ATP8A1: variants seen among roughly 807,000 people sequenced by gnomAD.
ATP8A1 encodes phospholipid-transporting ATPase IA.
In ATP8A1, 90 loss-of-function variants were observed where a neutral mutation model predicts 177.7. The observed-to-expected ratio is 0.51, with a 90% CI of 0.43 to 0.60. The LOEUF (loss-of-function observed/expected upper bound fraction) is 0.60. Among genes scored for constraint, ATP8A1 ranks in the 20% least tolerant of loss-of-function variants. ATP8A1 has a pLI of 0.00. For synonymous variants in ATP8A1, 493 were observed against 485.9 expected, an observed-to-expected ratio of 1.01 and a Z score of -0.19; for missense variants, 1,072 against 1,392.8, an observed-to-expected ratio of 0.77 and a Z score of 3.67.
intron 16 of ATP8A1, among the ~76,000 whole-genome samples, chr4:42,555,691 C>T (rs753593672): frequency 1.3e-5 from 2 of 151,930 alleles, no homozygotes; most frequent in South Asian, 2.1e-4. Flanking sequence ...GGTGTGGTGG[C>T]GAGTGCCTGT....
At chr4:42,483,891 T>C (rs1721943590) in intron 25 of ATP8A1, among the ~76,000 whole-genome samples, 1 of 152,158 alleles carries the variant, frequency 6.6e-6, no homozygotes, top group Non-Finnish European at 1.5e-5. Context: ...ATCTTTTATG[T>C]GTCGCACTGC....
At chr4:42,470,640 C>T (rs1320335766) in intron 25 of ATP8A1, among the ~76,000 whole-genome samples, 1 of 152,064 alleles carries the variant, frequency 6.6e-6, no homozygotes, top group African/African-American at 2.4e-5. Flanking sequence ...AAGACTTATA[C>T]TGGAAACTTA....
At chr4:42,647,636 T>A (rs1022951371) in intron 1 of ATP8A1, among the ~76,000 whole-genome samples, 4 of 151,874 alleles carry the variant, frequency 2.6e-5, no homozygotes, top group South Asian at 2.1e-4. Flanking sequence ...TTTTTACATT[T>A]TAAATGTAGC....
rs1378083353 is a variant in ATP8A1, at chr4:42,594,450, G to C, written c.451-3566C>G. 6.4e-6 allele frequency: 4 copies of C among 627,592 alleles called. No individual in the cohort carries two copies. The East Asian group carries it at 1.1e-4, about 18-fold the overall frequency. The allele number at this position is 627,592 out of a possible 1,614,324, so 38.9% of individuals were successfully genotyped here. ...CATTGTAAAAAGCATAGAATACACA[G>C]TAAAAATGGTTATCGGCAAACAAGA... On this transcript the variant is annotated intron_variant, in intron 6 of 36. Transcript: ENST00000381668.
chr4:42,531,498 G>T (rs908191053), intron 20 of ATP8A1, among the ~76,000 whole-genome samples: 2 of 152,162 alleles, frequency 1.3e-5, no homozygotes, highest in African/African-American at 2.4e-5. Context: ...TTTCCTCCAA[G>T]AACTGGAACA....
Position 42,485,742 on chromosome 4 carries a change from T to G in ATP8A1, c.2152-74A>C, listed in dbSNP as rs116566719. 13 of 1,254,464 alleles carry G rather than the reference T, an allele frequency of 1.0e-5. 1 individual carries two copies. In the East Asian group the frequency reaches 1.5e-4, roughly 15 times the overall value. 77.7% of individuals were successfully genotyped at this position (1,254,464 alleles called of 1,614,324 possible). A position where few individuals can be genotyped will look rare whatever the true frequency, so the allele number is the denominator to read the frequency against. Reference sequence around the variant, plus strand: ...TTCTACTAGGATGCCTTAAGGATATTTGGCAACTACATTTAGTTATTTTTA... The same window carrying G: ...TTCTACTAGGATGCCTTAAGGATATGTGGCAACTACATTTAGTTATTTTTA... On this transcript the variant is annotated intron_variant, in intron 24 of 36. Transcript: ENST00000381668.
At chr4:42,646,830 C>T (rs574491349) in intron 1 of ATP8A1, among the ~76,000 whole-genome samples, 51 of 152,302 alleles carry the variant, frequency 3.3e-4, no homozygotes, top group Middle Eastern at 3.4e-3. Context: ...AAAACAGACA[C>T]CTCTCTTTGC....
rs896839344 is a variant in ATP8A1, at chr4:42,498,038, T to A, written c.2151+5412A>T. On this transcript the variant is annotated intron_variant, in intron 24 of 36. Coordinates refer to ENST00000381668, the MANE Select transcript of ATP8A1 (RefSeq NM_006095.2). ...CAGCTTTGCTAATGGTAAAAGAAAA[T>A]TCACAGTACTGAAGCACCAATGCTG... Among the ~76,000 whole-genome samples, 6 of 152,162 alleles carry A rather than the reference T, an allele frequency of 3.9e-5. 1 individual carries two copies. The highest frequency in any genetic ancestry group is 1.3e-4 in the Admixed American group (2 of 15,278).
At chr4:42,574,765 C>G in intron 13 of ATP8A1, 58 bp from the exon 14 acceptor site, 1 of 1,171,850 alleles carries the variant, frequency 8.5e-7, no homozygotes, top group South Asian at 1.4e-5. Flanking sequence ...CACTCTTTTA[C>G]AGAGAAACCC....
intron 1 of ATP8A1, among the ~76,000 whole-genome samples, chr4:42,636,156 A>ACACGCGCGCGCGTGCGCGCGCG (rs565139270): frequency 2.1e-4 from 19 of 90,968 alleles, no homozygotes; most frequent in South Asian, 4.2e-4. Context: ...ACACACACAC[A>ACACGCGCGCGCGTGCGCGCGCG]CGCACACACA....
chr4:42,509,664 A>T (rs2153195025), intron 22 of ATP8A1, among the ~76,000 whole-genome samples: 1 of 152,230 alleles, frequency 6.6e-6, no homozygotes, highest in Admixed American at 6.5e-5. Flanking sequence ...CATCCTGGCT[A>T]ACACGGTGAA....
chr4:42,584,792 A>G (rs1733454584), intron 9 of ATP8A1, among the ~76,000 whole-genome samples: 1 of 152,186 alleles, frequency 6.6e-6, no homozygotes. Flanking sequence ...CAAACTTCAG[A>G]TATATATTCA....
intron 24 of ATP8A1, among the ~76,000 whole-genome samples, chr4:42,498,131 TTG>T (rs1166895595): frequency 1.3e-5 from 2 of 152,182 alleles, no homozygotes; most frequent in African/African-American, 4.8e-5. Flanking sequence ...ACAAAATATA[TTG>T]TATGAGACTC....
At chr4:42,530,256 C>G (rs536802658) in intron 20 of ATP8A1, among the ~76,000 whole-genome samples, 1 of 152,308 alleles carries the variant, frequency 6.6e-6, no homozygotes, top group Admixed American at 6.5e-5. Flanking sequence ...GCTGAGTGCC[C>G]AATTTGCCAG....
intron 20 of ATP8A1, among the ~76,000 whole-genome samples, chr4:42,534,931 T>C (rs943364316): frequency 3.9e-5 from 6 of 152,134 alleles, no homozygotes; most frequent in South Asian, 4.1e-4. Context: ...GAAGGAAAGA[T>C]ACAGTCTTTT....
chr4:42,578,473 T>C (rs1577630685), intron 11 of ATP8A1, 86 bp from the exon 12 acceptor site: 8 of 1,436,368 alleles, frequency 5.6e-6, no homozygotes, highest in Non-Finnish European at 3.8e-6. Context: ...AAGTTTTCCA[T>C]ACTACGCAGC....
intron 33 of ATP8A1, among the ~76,000 whole-genome samples, chr4:42,438,905 T>A (rs1716303100): frequency 6.6e-6 from 1 of 152,170 alleles, no homozygotes; most frequent in Admixed American, 6.6e-5. Context: ...GCATTAAACA[T>A]AGCGCCTGGA....
At chr4:42,468,162 A>G (rs1029052608) in intron 25 of ATP8A1, among the ~76,000 whole-genome samples, 3 of 152,206 alleles carry the variant, frequency 2.0e-5, no homozygotes, top group Admixed American at 1.3e-4. Context: ...TATGGAAAAC[A>G]GTGTGGAGAT....
intron 35 of ATP8A1, among the ~76,000 whole-genome samples, chr4:42,419,244 G>A (rs1243213249): frequency 6.6e-6 from 1 of 151,884 alleles, no homozygotes. Context: ...TAACTATTCC[G>A]TTCATCCACT....
Sources: allele counts gnomAD v4.1 joint callset (sites outside exome capture counted in the v4.1 genomes callset), GRCh38; gene constraint gnomAD v4.1.1; transcripts MANE v1.5; gene names NCBI Gene and HGNC (gene_info 2026-07-23, HGNC 2026-07-21).